Variants in INO80C observed in about 807,000 individuals in gnomAD.
INO80C encodes IES6 homolog.
In INO80C, 17 loss-of-function variants were observed where a neutral mutation model predicts 17.7. That is an observed-to-expected ratio of 0.96 (90% CI 0.66 to 1.44). The LOEUF is 1.44. INO80C is among the 40% of genes most tolerant of loss of function. The pLI is 0.00. For missense variants in INO80C, 244 were observed against 245.0 expected, an observed-to-expected ratio of 1.00 and a Z score of 0.03; for synonymous variants, 96 against 95.8, an observed-to-expected ratio of 1.00 and a Z score of -0.01.
At chr18:35,497,390 G>A (rs1258429465) in intron 1 of INO80C, 1 of 1,094,180 alleles carries the variant, frequency 9.1e-7, no homozygotes, top group Non-Finnish European at 1.1e-6. Context: ...ACGAGGGGAA[G>A]ACACGCAAAT....
rs1403611211 is a variant in INO80C at position 35,478,281 on chromosome 18, C to T, written c.447+1G>A. On this transcript the variant is annotated splice_donor_variant, in intron 4 of 4. Coordinates refer to ENST00000334598, the MANE Select transcript of INO80C (RefSeq NM_194281.4). LOFTEE classifies it high-confidence loss of function. ...GTTATAAGAGATATAATCATACTCA[C>T]AAGCAGACCTGAAACATCAGAATAC... 6.3e-7 allele frequency: 1 copy of T among 1,592,452 alleles called. No individual in the cohort carries two copies. Among genetic ancestry groups the T allele is most frequent in the Non-Finnish European group, 8.6e-7 (1 of 1,163,868 alleles).
At chr18:35,472,130 G>A (rs2144026363) in intron 4 of INO80C, among the ~76,000 whole-genome samples, 1 of 152,316 alleles carries the variant, frequency 6.6e-6, no homozygotes, top group East Asian at 1.9e-4. Flanking sequence ...TAATGGGATG[G>A]CTGGGTCAAA....
chr18:35,486,652 CTGTTGTAGTT>C (rs2045877323), intron 1 of INO80C, among the ~76,000 whole-genome samples: 1 of 151,490 alleles, frequency 6.6e-6, no homozygotes, highest in Non-Finnish European at 1.5e-5. Flanking sequence ...AATAAATGGC[CTGTTGTAGTT>C]CTGGTTACTC....
intron 1 of INO80C, among the ~76,000 whole-genome samples, chr18:35,494,281 T>C (rs534615838): frequency 3.3e-5 from 5 of 152,316 alleles, no homozygotes; most frequent in African/African-American, 1.2e-4. Context: ...CTGCCCCTGG[T>C]GTGCACACAA....
At chr18:35,495,982 G>A (rs1217130874) in intron 1 of INO80C, among the ~76,000 whole-genome samples, 3 of 152,180 alleles carry the variant, frequency 2.0e-5, no homozygotes, top group Admixed American at 6.5e-5. Context: ...ATGGCTAAAA[G>A]TTAAAGACTG....
chr18:35,480,092 G>A (rs986917815), intron 2 of INO80C, among the ~76,000 whole-genome samples: 1 of 152,074 alleles, frequency 6.6e-6, no homozygotes, highest in South Asian at 2.1e-4. Flanking sequence ...ACAACAGCTT[G>A]GATTTACCTT....
intron 4 of INO80C, among the ~76,000 whole-genome samples, chr18:35,469,434 C>T (rs958163392): frequency 6.6e-6 from 1 of 152,218 alleles, no homozygotes; most frequent in Non-Finnish European, 1.5e-5. Flanking sequence ...TCCTCAGCCA[C>T]ATGTCCCCAC....
At chr18:35,491,156 A>G (rs1212035301) in intron 1 of INO80C, among the ~76,000 whole-genome samples, 1 of 152,226 alleles carries the variant, frequency 6.6e-6, no homozygotes, top group Non-Finnish European at 1.5e-5. Context: ...AAAGCAATAC[A>G]GGGGGATTCT....
At chr18:35,479,674 G>GT (rs1184767281) in intron 2 of INO80C, among the ~76,000 whole-genome samples, 1 of 151,104 alleles carries the variant, frequency 6.6e-6, no homozygotes, top group Non-Finnish European at 1.5e-5. Context: ...TTATATGCAC[G>GT]TAAAAAAAAA....
At position 35,468,938 on chromosome 18, in the gene INO80C, G is replaced by A. The variant is rs115445353; in HGVS notation, c.448-196C>T. On this transcript the variant is annotated intron_variant, in intron 4 of 4. Transcript: ENST00000334598. The stretch of plus-strand genomic sequence containing the variant: ...TTCCCAGACTCTAGAAACACTTCAG[G>A]GTATGGACGAGAGGAAGGGGAATGA... 5.2e-3 allele frequency among the ~76,000 whole-genome samples: 792 copies of A among 151,994 alleles called. 10 individuals carry two copies. Among genetic ancestry groups the A allele is most frequent in the African/African-American group, 0.018 (752 of 41,436 alleles).
At chr18:35,477,569 TAAGAA>T (rs1184135730) in intron 4 of INO80C, among the ~76,000 whole-genome samples, 4 of 151,780 alleles carry the variant, frequency 2.6e-5, no homozygotes. Context: ...TCCATTTGTT[TAAGAA>T]AACAAAACAA....
intron 4 of INO80C, among the ~76,000 whole-genome samples, chr18:35,474,647 A>G (rs1249613316): frequency 6.6e-6 from 1 of 152,152 alleles, no homozygotes; most frequent in Admixed American, 6.5e-5. Flanking sequence ...TGATCACATC[A>G]CTGCACTCTA....
intron 4 of INO80C, among the ~76,000 whole-genome samples, chr18:35,476,690 G>T (rs777602852): frequency 1.3e-5 from 2 of 152,122 alleles, no homozygotes; most frequent in Non-Finnish European, 2.9e-5. Context: ...ACAGTTCTTA[G>T]ATTGATAGAC....
intron 4 of INO80C, among the ~76,000 whole-genome samples, chr18:35,474,197 G>A (rs1340967560): frequency 1.0e-5 from 1 of 96,642 alleles, no homozygotes; most frequent in African/African-American, 4.0e-5. Flanking sequence ...GTGTATATGT[G>A]TGTGTGTGTC....
intron 1 of INO80C, chr18:35,497,029 C>A (rs2045989219): frequency 6.6e-6 from 1 of 152,250 alleles, no homozygotes; most frequent in South Asian, 2.1e-4. Flanking sequence ...CAAAGTAACA[C>A]ACTCTATCTC....
At position 35,497,896 on chromosome 18, in the gene INO80C, G is replaced by C; in HGVS notation, c.-22C>G. 1 of 1,522,216 alleles carries C rather than the reference G, an allele frequency of 6.6e-7. No homozygotes were observed. The highest frequency in any genetic ancestry group is 8.8e-7 in the Non-Finnish European group (1 of 1,133,164). 94.3% of individuals were successfully genotyped at this position (1,522,216 alleles called of 1,614,324 possible). On this transcript the variant is annotated 5_prime_UTR_variant, in exon 1 of 5. Transcript: ENST00000334598. Reference sequence around the variant, plus strand: ...CCATCGCACTCCGAGTCTTCCCCTGGTCCCCCCACCTTTTTCCCAGCGCGG... The same window carrying C: ...CCATCGCACTCCGAGTCTTCCCCTGCTCCCCCCACCTTTTTCCCAGCGCGG...
Position 35,487,393 on chromosome 18 carries a change from C to T in INO80C, c.157-6830G>A, listed in dbSNP as rs535177706. 2.5e-5 allele frequency: 10 copies of T among 397,188 alleles called. 1 individual carries two copies. The East Asian group carries it at 5.1e-4, about 20-fold the overall frequency. The allele number at this position is 397,188 out of a possible 1,614,324, so 24.6% of individuals were successfully genotyped here. On this transcript the variant is annotated intron_variant, in intron 1 of 4. Coordinates refer to ENST00000334598, the MANE Select transcript of INO80C (RefSeq NM_194281.4). ...GAGGTTTAATGGACTCACATTTCCA[C>T]GCGGCTGGGGAGGCCTCACAATCAT...
intron 1 of INO80C, among the ~76,000 whole-genome samples, chr18:35,495,918 T>C (rs2045976358): frequency 6.6e-6 from 1 of 152,204 alleles, no homozygotes; most frequent in Non-Finnish European, 1.5e-5. Context: ...TTGATATCAT[T>C]AGCCATCAGA....
chr18:35,477,562 ATTTG>A (rs1427069251), intron 4 of INO80C, among the ~76,000 whole-genome samples: 4 of 152,310 alleles, frequency 2.6e-5, no homozygotes, highest in South Asian at 2.1e-4. Context: ...AAGTTCATCC[ATTTG>A]TTTAAGAAAA....
Sources: gnomAD v4.1 joint callset for allele counts (sites outside exome capture counted in the v4.1 genomes callset) on GRCh38, gnomAD v4.1.1 for gene constraint, MANE v1.5 for transcripts, NCBI Gene and HGNC (gene_info 2026-07-23, HGNC 2026-07-21) for gene names.